MTMR7: variants seen among roughly 807,000 people sequenced by gnomAD.
MTMR7 encodes myotubularin related protein 7, also known as phosphatidylinositol-3-phosphate phosphatase MTMR7.
A neutral mutation model predicts 81.2 loss-of-function variants in MTMR7; 76 were observed. The ratio of observed to expected loss-of-function variants is 0.94; its 90% CI spans 0.78 to 1.13. The LOEUF is 1.13. Among genes scored for constraint, MTMR7 ranks in the 50% most tolerant of loss-of-function variants. The pLI, the probability that MTMR7 is intolerant of heterozygous loss-of-function variation, is 0.00. For synonymous variants in MTMR7, 372 were observed against 289.8 expected (o/e 1.28, Z -2.88); for missense variants, 1,044 against 820.0 (o/e 1.27, Z -3.34).
chr8:17,321,030 G>T (rs974388024), intron 7 of MTMR7, among the ~76,000 whole-genome samples: 6 of 151,992 alleles, frequency 3.9e-5, no homozygotes, highest in Non-Finnish European at 8.8e-5. Context: ...AAACTTTCCA[G>T]TTGTTATTAT....
At chr8:17,330,541 T>C (rs1281367793) in intron 7 of MTMR7, among the ~76,000 whole-genome samples, 1 of 152,260 alleles carries the variant, frequency 6.6e-6, no homozygotes, top group African/African-American at 2.4e-5. Flanking sequence ...ATATGGCTGG[T>C]TGGCCACATG....
intron 6 of MTMR7, 39 bp from the exon 7 acceptor site, chr8:17,331,321 T>G (rs199594288): frequency 1.3e-6 from 2 of 1,544,694 alleles, no homozygotes; most frequent in Non-Finnish European, 1.7e-6. Context: ...ATCAATTACA[T>G]TGATGAAACA....
intron 1 of MTMR7, 143 bp downstream of exon 1, chr8:17,413,126 A>C (rs1452163840): frequency 1.5e-5 from 14 of 928,302 alleles, no homozygotes; most frequent in Non-Finnish European, 2.2e-5. Context: ...CGGGATGCTC[A>C]GGCAATGCCT....
chr8:17,410,001 G>A (rs928137482), intron 1 of MTMR7, among the ~76,000 whole-genome samples: 8 of 152,238 alleles, frequency 5.3e-5, no homozygotes, highest in Non-Finnish European at 4.4e-5. Context: ...AGGGCCTTAC[G>A]AGCAGTTCTG....
intron 10 of MTMR7, 117 bp from the exon 11 acceptor site, chr8:17,306,074 A>G: frequency 1.2e-6 from 1 of 800,486 alleles, no homozygotes; most frequent in Non-Finnish European, 1.9e-6. Context: ...TTATCTTACA[A>G]ACTTGGAATG....
intron 3 of MTMR7, among the ~76,000 whole-genome samples, chr8:17,368,211 G>C (rs148954320): frequency 5.2e-4 from 79 of 152,170 alleles, no homozygotes; most frequent in African/African-American, 1.9e-3. Flanking sequence ...TTAATGCCAC[G>C]AGTGATCTCA....
intron 1 of MTMR7, among the ~76,000 whole-genome samples, chr8:17,380,572 TA>T (rs71215249): frequency 0.86 from 125,307 of 146,514 alleles, 54,204 homozygotes; most frequent in Non-Finnish European, 0.94. Flanking sequence ...CTGATGAGCT[TA>T]AAAAAAAAAA....
At chr8:17,401,292 T>C (rs1821423059) in intron 1 of MTMR7, among the ~76,000 whole-genome samples, 1 of 152,180 alleles carries the variant, frequency 6.6e-6, no homozygotes, top group South Asian at 2.1e-4. Context: ...GCAAACCATC[T>C]GCACATCTAA....
At chr8:17,373,567 G>C (rs1314711332) in intron 1 of MTMR7, among the ~76,000 whole-genome samples, 1 of 152,106 alleles carries the variant, frequency 6.6e-6, no homozygotes, top group East Asian at 1.9e-4. Context: ...CTAATTTAAA[G>C]CAGAAAGTGT....
At chr8:17,363,783 C>T (rs771018231) in intron 3 of MTMR7, among the ~76,000 whole-genome samples, 74 of 152,114 alleles carry the variant, frequency 4.9e-4, no homozygotes, top group Non-Finnish European at 9.6e-4. Flanking sequence ...AATCGAAAAG[C>T]GCCACTAGCA....
chr8:17,302,421 A>C lies in MTMR7; in HGVS notation c.1494-141T>G, dbSNP rs188573148. On this transcript the variant is annotated intron_variant, in intron 12 of 13. Coordinates refer to ENST00000180173, the MANE Select transcript of MTMR7 (RefSeq NM_004686.5). ...TTCAGCCTCAAAAAAGCCACTACTT[A>C]AGGTAATAATTTCATGTTGATGTTT... is the stretch of plus-strand genomic sequence containing the variant. 1,341 of 863,570 alleles carry C rather than the reference A, an allele frequency of 1.6e-3. 10 individuals carry two copies. In the African/African-American group the frequency reaches 0.018, roughly 12 times the overall value. 53.5% of individuals were successfully genotyped at this position (863,570 alleles called of 1,614,324 possible).
chr8:17,344,196 G>C (rs1473142816), intron 5 of MTMR7, among the ~76,000 whole-genome samples: 1 of 152,182 alleles, frequency 6.6e-6, no homozygotes, highest in African/African-American at 2.4e-5. Flanking sequence ...AAGTCACACA[G>C]TTAGTAAATA....
intron 1 of MTMR7, among the ~76,000 whole-genome samples, chr8:17,406,856 G>A (rs2150587539): frequency 6.6e-6 from 1 of 152,160 alleles, no homozygotes; most frequent in East Asian, 1.9e-4. Context: ...AAAAGAAGAG[G>A]TCACAAAAGG....
intron 10 of MTMR7, among the ~76,000 whole-genome samples, chr8:17,307,038 T>A (rs988509462): frequency 6.6e-6 from 1 of 152,118 alleles, no homozygotes; most frequent in African/African-American, 2.4e-5. Flanking sequence ...AATTGACAGA[T>A]GGGATCTAAT....
At chr8:17,337,170 G>A (rs569868651) in intron 6 of MTMR7, among the ~76,000 whole-genome samples, 37 of 152,160 alleles carry the variant, frequency 2.4e-4, no homozygotes, top group African/African-American at 8.7e-4. Flanking sequence ...TCAGGAGTTC[G>A]AGACCAGCCT....
At chr8:17,318,408 G>GA (rs894989736) in intron 7 of MTMR7, among the ~76,000 whole-genome samples, 1 of 152,080 alleles carries the variant, frequency 6.6e-6, no homozygotes, top group African/African-American at 2.4e-5. Context: ...GCAGGCAGAG[G>GA]AAAAAAGGTA....
At chr8:17,359,553 G>C (rs77909576) in intron 4 of MTMR7, among the ~76,000 whole-genome samples, 7,628 of 147,118 alleles carry the variant, frequency 0.052, 606 homozygotes, top group African/African-American at 0.17. Flanking sequence ...CTGTACTCTA[G>C]CCTGGGTAAC....
At chr8:17,389,380 G>A (rs1307304376) in intron 1 of MTMR7, among the ~76,000 whole-genome samples, 1 of 152,166 alleles carries the variant, frequency 6.6e-6, no homozygotes, top group Non-Finnish European at 1.5e-5. Flanking sequence ...AATGAACAAT[G>A]CTAGGCAAAC....
At chr8:17,383,809 G>T (rs1202655598) in intron 1 of MTMR7, among the ~76,000 whole-genome samples, 1 of 151,510 alleles carries the variant, frequency 6.6e-6, no homozygotes, top group East Asian at 1.9e-4. Flanking sequence ...GATTCTCTGG[G>T]CGGAGCTCTG....
Sources: gnomAD v4.1 joint callset for allele counts (sites outside exome capture counted in the v4.1 genomes callset) on GRCh38, gnomAD v4.1.1 for gene constraint, MANE v1.5 for transcripts, NCBI Gene and HGNC (gene_info 2026-07-23, HGNC 2026-07-21) for gene names.